The following CNTNAP4 variants were observed in gnomAD, a reference collection of about 807,000 sequenced individuals.
CNTNAP4 encodes contactin-associated protein-like 4.
Under a neutral mutation model 148.4 loss-of-function variants are expected in CNTNAP4, and 98 were observed. The ratio of observed to expected loss-of-function variants is 0.66; its 90% CI spans 0.56 to 0.78. The LOEUF (loss-of-function observed/expected upper bound fraction) is 0.78, where lower values mean the gene tolerates loss of function less well. Ranked by LOEUF, CNTNAP4 falls within the 30% of genes least tolerant of loss-of-function variation. The pLI is 0.00. For synonymous variants in CNTNAP4, 730 were observed against 565.1 expected (o/e 1.29, Z -4.14); for missense variants, 1,935 against 1,565.6 (o/e 1.24, Z -3.98).
At position 76,292,286 on chromosome 16, in the gene CNTNAP4, A is replaced by T. The variant is rs372037473; in HGVS notation, c.85+14539A>T. On this transcript the variant is annotated intron_variant, in intron 1 of 23. Transcript: ENST00000611870. Reference sequence around the variant, plus strand: ...CCCTCCCCTTCCTGCTCAAGAATTTATGGCACTTAAAGATAATTCCTTGCC... The same window carrying T: ...CCCTCCCCTTCCTGCTCAAGAATTTTTGGCACTTAAAGATAATTCCTTGCC... Among the ~76,000 whole-genome samples, 35 of 152,288 alleles carry T rather than the reference A, an allele frequency of 2.3e-4. No homozygotes were observed. The East Asian group carries it at 3.7e-3, about 16-fold the overall frequency.
At position 76,309,868 on chromosome 16, in the gene CNTNAP4, G is replaced by T. The variant is rs376754880; in HGVS notation, c.86-6545G>T. On this transcript the variant is annotated intron_variant, in intron 1 of 23. Coordinates refer to ENST00000611870, the MANE Select transcript of CNTNAP4 (RefSeq NM_033401.5). ...TGCTGCTTCCTCATTTTCTCTTGCA[G>T]CCGCCATGATTCTGAGGCCTTCCCA... 480 of 701,508 alleles carry T rather than the reference G, an allele frequency of 6.8e-4. 3 individuals carry two copies. In the Middle Eastern group the frequency reaches 8.3e-3, roughly 12 times the overall value. The allele number at this position is 701,508 out of a possible 1,614,324, so 43.5% of individuals were successfully genotyped here.
intron 1 of CNTNAP4, among the ~76,000 whole-genome samples, chr16:76,312,353 T>C (rs1019160661): frequency 3.3e-5 from 5 of 152,326 alleles, no homozygotes; most frequent in Middle Eastern, 6.8e-3. Flanking sequence ...AACCTCTGAA[T>C]TGGAATGTGG....
intron 1 of CNTNAP4, among the ~76,000 whole-genome samples, chr16:76,283,030 C>T (rs1388566186): frequency 6.6e-6 from 1 of 151,734 alleles, no homozygotes; most frequent in Non-Finnish European, 1.5e-5. Context: ...CTAGGATAGT[C>T]TCAAAGAGCT....
intron 9 of CNTNAP4, among the ~76,000 whole-genome samples, chr16:76,463,609 C>T (rs2081065846): frequency 1.3e-5 from 2 of 152,092 alleles, no homozygotes; most frequent in South Asian, 2.1e-4. Context: ...TAGAGAGTTC[C>T]TGCACACCCG....
intron 7 of CNTNAP4, among the ~76,000 whole-genome samples, chr16:76,451,077 T>C (rs2080453956): frequency 6.6e-6 from 1 of 152,164 alleles, no homozygotes; most frequent in Non-Finnish European, 1.5e-5. Context: ...GCGATGGGCC[T>C]GGGCTTGCTG....
chr16:76,309,074 G>A (rs1160198671), intron 1 of CNTNAP4, among the ~76,000 whole-genome samples: 1 of 151,936 alleles, frequency 6.6e-6, no homozygotes, highest in Non-Finnish European at 1.5e-5. Context: ...GAAAGTGCTG[G>A]GATTACAAGC....
intron 3 of CNTNAP4, among the ~76,000 whole-genome samples, chr16:76,411,190 A>G (rs955205725): frequency 1.3e-5 from 2 of 151,512 alleles, no homozygotes; most frequent in African/African-American, 4.8e-5. Context: ...TTCAAATTAA[A>G]TATAATAAAC....
chr16:76,461,400 C>G (rs1486025652), intron 8 of CNTNAP4, among the ~76,000 whole-genome samples: 1 of 152,096 alleles, frequency 6.6e-6, no homozygotes, highest in African/African-American at 2.4e-5. Context: ...AATAAGGAGG[C>G]AAATTCTCAA....
intron 14 of CNTNAP4, among the ~76,000 whole-genome samples, chr16:76,497,877 TAAA>T (rs899938623): frequency 6.6e-6 from 1 of 151,070 alleles, no homozygotes; most frequent in Non-Finnish European, 1.5e-5. Context: ...TTTCAAAAAA[TAAA>T]AAAGAAATCA....
intron 21 of CNTNAP4, among the ~76,000 whole-genome samples, chr16:76,546,043 A>AT (rs1384601281): frequency 6.6e-6 from 1 of 152,068 alleles, no homozygotes; most frequent in Non-Finnish European, 1.5e-5. Flanking sequence ...CAAAAAAAAA[A>AT]AGAAAAACTA....
chr16:76,402,810 C>T (rs947162472), intron 3 of CNTNAP4, among the ~76,000 whole-genome samples: 6 of 152,118 alleles, frequency 3.9e-5, no homozygotes, highest in African/African-American at 9.7e-5. Flanking sequence ...ATGCAAAAAT[C>T]ATTCAGGAGA....
chr16:76,365,353 G>A (rs1192297245), intron 3 of CNTNAP4, among the ~76,000 whole-genome samples: 1 of 152,138 alleles, frequency 6.6e-6, no homozygotes, highest in African/African-American at 2.4e-5. Context: ...TCTTGGCTAT[G>A]TGGGCTCTTT....
In CNTNAP4 at chr16:76,449,734, C is replaced by T. The variant is rs1266557668; in HGVS notation, c.947C>T (p.Pro316Leu). The T allele has an allele frequency of 3.1e-6, 5 of 1,591,786 alleles. No individual in the cohort carries two copies. Among genetic ancestry groups the T allele is most frequent in the Non-Finnish European group, 4.3e-6 (5 of 1,168,056 alleles). ...LDYEISFGGI[P>L]APGKSVSFPH... Reference sequence around the variant, plus strand: ...TCTAAGATCAGCTTTGGAGGGATTCCAGCACCTGGAAAATCAGTGTCATTC... The same window carrying T: ...TCTAAGATCAGCTTTGGAGGGATTCTAGCACCTGGAAAATCAGTGTCATTC... Residue 316 changes from proline (P) to leucine (L), a missense_variant, in exon 7 of 24, where the codon CCA becomes CTA. Coordinates refer to ENST00000611870, the MANE Select transcript of CNTNAP4 (RefSeq NM_033401.5).
At chr16:76,463,277 G>A (rs1274756293) in intron 9 of CNTNAP4, among the ~76,000 whole-genome samples, 1 of 152,148 alleles carries the variant, frequency 6.6e-6, no homozygotes, top group Non-Finnish European at 1.5e-5. Flanking sequence ...CAGTAAAAGA[G>A]ATAAGGAAAT....
chr16:76,382,361 A>T (rs1395293409), intron 3 of CNTNAP4, among the ~76,000 whole-genome samples: 1 of 152,154 alleles, frequency 6.6e-6, no homozygotes, highest in Non-Finnish European at 1.5e-5. Context: ...TAATCTGTGT[A>T]TTTTACTGTT....
chr16:76,438,198 G>A (rs990514258), intron 4 of CNTNAP4, among the ~76,000 whole-genome samples: 17 of 152,212 alleles, frequency 1.1e-4, no homozygotes, highest in African/African-American at 3.8e-4. Context: ...AGATCAGAGA[G>A]CAAGGGTCCG....
chr16:76,535,929 T>C, intron 18 of CNTNAP4, 145 bp downstream of exon 18: 3 of 802,232 alleles, frequency 3.7e-6, no homozygotes, highest in Non-Finnish European at 5.8e-6. Context: ...ATGTAAAGAA[T>C]GAGTACAAGA....
chr16:76,437,659 TA>T (rs1241412314), intron 4 of CNTNAP4, among the ~76,000 whole-genome samples: 1 of 152,136 alleles, frequency 6.6e-6, no homozygotes, highest in African/African-American at 2.4e-5. Context: ...TTTTGAAAAC[TA>T]ATGAACGAAT....
chr16:76,338,038 G>A (rs1233731918), intron 2 of CNTNAP4, among the ~76,000 whole-genome samples: 1 of 152,108 alleles, frequency 6.6e-6, no homozygotes, highest in African/African-American at 2.4e-5. Context: ...AATCATCACA[G>A]GATCCTGAGG....
Sources: gnomAD v4.1 joint callset for allele counts (sites outside exome capture counted in the v4.1 genomes callset) on GRCh38, gnomAD v4.1.1 for gene constraint, MANE v1.5 for transcripts, NCBI Gene and HGNC (gene_info 2026-07-23, HGNC 2026-07-21) for gene names.